Variants in PCF11 observed in about 807,000 individuals in gnomAD.
PCF11 encodes pre-mRNA cleavage complex 2 protein Pcf11.
A neutral mutation model predicts 166.1 loss-of-function variants in PCF11; 19 were observed. That is an observed-to-expected ratio of 0.11 (90% CI 0.08 to 0.17). PCF11 has a LOEUF of 0.17. Ranked by LOEUF, PCF11 falls within the 10% of genes least tolerant of loss-of-function variation. PCF11 has a pLI of 1.00. For synonymous variants in PCF11, 663 were observed against 644.1 expected (o/e 1.03, Z -0.44); for missense variants, 1,565 against 1,855.5 (o/e 0.84, Z 2.88).
intron 8 of PCF11, among the ~76,000 whole-genome samples, chr11:83,170,322 G>A (rs1860643544): frequency 4.0e-5 from 6 of 151,760 alleles, no homozygotes. Context: ...CCTCTACATT[G>A]CAGAACTGTT....
exon 16 of PCF11, chr11:83,185,220 T>G (rs1029488438): frequency 1.1e-5 from 2 of 176,432 alleles, no homozygotes; most frequent in Non-Finnish European, 2.4e-5. Context: ...AGTGTAATAT[T>G]TATGCACACC....
At chr11:83,184,822 A>G in exon 16 of PCF11, 1 of 1,599,408 alleles carries the variant, frequency 6.3e-7, no homozygotes, top group South Asian at 1.1e-5. Flanking sequence ...ATACACCACC[A>G]GCTTGTACAG....
chr11:83,165,584 T>G lies in PCF11; in HGVS notation c.703-16T>G. 8 of 1,589,476 alleles carry G rather than the reference T, an allele frequency of 5.0e-6. No individual in the cohort carries two copies. The highest frequency in any genetic ancestry group is 6.8e-6 in the Non-Finnish European group (8 of 1,169,124). On this transcript the variant is annotated splice_polypyrimidine_tract_variant and intron_variant, in intron 4 of 15. Coordinates refer to ENST00000298281, the Ensembl canonical transcript of PCF11. ...TGTTCTGCAGTGTTAACATGAACAT[T>G]TATTTTGTGTTTTAGGCAGTTTCTC...
At chr11:83,182,135 C>A in intron 13 of PCF11, 126 bp downstream of exon 13, 1 of 835,448 alleles carries the variant, frequency 1.2e-6, no homozygotes, top group Non-Finnish European at 1.8e-6. Context: ...CTTGAAAGCT[C>A]TACTCTTCAA....
At chr11:83,177,921 T>C in intron 11 of PCF11, 102 bp downstream of exon 11, 1 of 435,302 alleles carries the variant, frequency 2.3e-6, no homozygotes, top group Non-Finnish European at 4.1e-6. Context: ...CCTTTATCCC[T>C]TTTACTGTTT....
chr11:83,174,662 C>T (rs941591757), intron 9 of PCF11, among the ~76,000 whole-genome samples: 1 of 151,884 alleles, frequency 6.6e-6, no homozygotes, highest in African/African-American at 2.4e-5. Context: ...ACTATTATTA[C>T]CCTTTTTACA....
At position 83,170,117 on chromosome 11, in the gene PCF11, T is replaced by C. The variant is rs984802323; in HGVS notation, c.3660+122T>C. 1.4e-4 allele frequency: 107 copies of C among 778,682 alleles called. No individual in the cohort carries two copies. In the African/African-American group the frequency reaches 1.7e-3, roughly 12 times the overall value. 48.2% of individuals were successfully genotyped at this position (778,682 alleles called of 1,614,324 possible). On this transcript the variant is annotated intron_variant, in intron 8 of 15. Transcript: ENST00000298281. ...TTGGAAAGAAGTTTTTAATGTACTC[T>C]AAAGCCACATGCTAAGGAAGTGGGA... is the stretch of plus-strand genomic sequence containing the variant.
chr11:83,186,473 G>A (rs1861295782), exon 16 of PCF11: 1 of 152,270 alleles, frequency 6.6e-6, no homozygotes, highest in Non-Finnish European at 1.5e-5. Context: ...CTGGGCTCAA[G>A]TGATCCTACT....
In PCF11 at chr11:83,167,880, G is replaced by A. The variant is rs1462822985; in HGVS notation, c.2092+375G>A. 5 of 1,306,354 alleles carry A rather than the reference G, an allele frequency of 3.8e-6. No individual in the cohort carries two copies. Among genetic ancestry groups the A allele is most frequent in the African/African-American group, 1.5e-5 (1 of 66,694 alleles). The allele number at this position is 1,306,354 out of a possible 1,614,324, so 80.9% of individuals were successfully genotyped here. On this transcript the variant is annotated intron_variant, in intron 7 of 15. Coordinates refer to ENST00000298281, the Ensembl canonical transcript of PCF11. The surrounding 1 kb of genome is among the most constrained non-coding windows in gnomAD (Gnocchi z 4.2). The stretch of plus-strand genomic sequence containing the variant: ...CCATGAGGGCCGGAGAAGACATGAC[G>A]AGCAAGTCTCTGCTAAAGGTAGAAA...
chr11:83,184,734 T>G, exon 16 of PCF11: 4 of 1,611,888 alleles, frequency 2.5e-6, no homozygotes, highest in Non-Finnish European at 3.4e-6. Flanking sequence ...GAAAACCCCT[T>G]GAATATTATG....
At chr11:83,159,808 A>T (rs1860159151) in intron 1 of PCF11, among the ~76,000 whole-genome samples, 1 of 152,116 alleles carries the variant, frequency 6.6e-6, no homozygotes, top group South Asian at 2.1e-4. Context: ...TACTAAACTT[A>T]AAGGATTCAC....
At position 83,167,355 on chromosome 11, in the gene PCF11, A is replaced by ATT. The variant is rs761724695; in HGVS notation, c.2001+53_2002-53dup. 6.5e-7 allele frequency: 1 copy of ATT among 1,537,016 alleles called. No individual in the cohort carries two copies. The highest frequency in any genetic ancestry group is 1.3e-5 in the South Asian group (1 of 78,528). ...ATGTAGTCATCATTATCTATCGTCT[A>ATT]TTTTTTTGGTATTTTTTTATATTTA... On this transcript the variant is annotated intron_variant, in intron 6 of 15. Coordinates refer to ENST00000298281, the Ensembl canonical transcript of PCF11. This position sits in a 1 kb window ranked among gnomAD's most constrained non-coding sequence, Gnocchi z 4.2.
At chr11:83,161,921 T>C (rs1467329909) in intron 2 of PCF11, among the ~76,000 whole-genome samples, 1 of 152,208 alleles carries the variant, frequency 6.6e-6, no homozygotes, top group Admixed American at 6.5e-5. Context: ...TCTGGAAATG[T>C]TTACTTTTGT....
exon 8 of PCF11, chr11:83,169,509 G>A: frequency 6.2e-7 from 1 of 1,613,900 alleles, no homozygotes; most frequent in Non-Finnish European, 8.5e-7. Context: ...TACATGGTCA[G>A]CCAGGTCCTA....
At chr11:83,176,041 G>T (rs1002871054) in intron 9 of PCF11, among the ~76,000 whole-genome samples, 1 of 152,164 alleles carries the variant, frequency 6.6e-6, no homozygotes. Flanking sequence ...TGTTACGTCA[G>T]GGAGCATTGA....
intron 9 of PCF11, among the ~76,000 whole-genome samples, chr11:83,176,777 G>A (rs559710197): frequency 1.3e-5 from 2 of 151,766 alleles, no homozygotes; most frequent in Admixed American, 6.6e-5. Flanking sequence ...CATGGCACAT[G>A]TATACCTATG....
chr11:83,164,992 C>T (rs1249435734), intron 4 of PCF11, among the ~76,000 whole-genome samples: 2 of 151,968 alleles, frequency 1.3e-5, no homozygotes. Context: ...TATTTCAGTC[C>T]CAAGATGGTA....
exon 16 of PCF11, chr11:83,186,938 G>A (rs1156665035): frequency 2.0e-5 from 3 of 152,194 alleles, no homozygotes; most frequent in African/African-American, 7.2e-5. Flanking sequence ...GTGTATCAAC[G>A]GTATCCACAT....
At chr11:83,172,296 A>G (rs762990261) in intron 9 of PCF11, among the ~76,000 whole-genome samples, 4 of 152,144 alleles carry the variant, frequency 2.6e-5, no homozygotes, top group Non-Finnish European at 5.9e-5. Flanking sequence ...ATTAATTTTT[A>G]TGTTTTTGTG....
Sources: allele counts gnomAD v4.1 joint callset (sites outside exome capture counted in the v4.1 genomes callset), GRCh38; gene constraint gnomAD v4.1.1; non-coding constraint Gnocchi (gnomAD v3.1); transcripts MANE v1.5; gene names NCBI Gene and HGNC (gene_info 2026-07-23, HGNC 2026-07-21).